Variants in FOXP4 observed in about 807,000 individuals in gnomAD.
The protein encoded by FOXP4 is forkhead box protein P4.
In FOXP4, 25 loss-of-function variants were observed where a neutral mutation model predicts 82.6. That is an observed-to-expected ratio of 0.30 (90% CI 0.22 to 0.42). The LOEUF (loss-of-function observed/expected upper bound fraction) is 0.42. FOXP4 is among the 10% of genes least tolerant of loss of function. The pLI is 1.00. For synonymous variants in FOXP4, 415 were observed against 388.2 expected, an observed-to-expected ratio of 1.07 and a Z score of -0.81; for missense variants, 785 against 900.9, an observed-to-expected ratio of 0.87 and a Z score of 1.65.
At chr6:41,549,719 G>C (rs12206814) in intron 1 of FOXP4, among the ~76,000 whole-genome samples, 53,059 of 143,138 alleles carry the variant, frequency 0.37, 11,669 homozygotes, top group East Asian at 0.6. Flanking sequence ...AGGAGAGACA[G>C]ATATCACATG....
chr6:41,594,747 T>G (rs1581789383), intron 13 of FOXP4, 123 bp from the exon 14 acceptor site: 1 of 1,433,180 alleles, frequency 7.0e-7, no homozygotes, highest in African/African-American at 1.4e-5. Flanking sequence ...CCCCCTCCCC[T>G]GCTCATCCCT....
intron 1 of FOXP4, among the ~76,000 whole-genome samples, chr6:41,554,681 G>A (rs372756161): frequency 3.3e-5 from 5 of 151,976 alleles, no homozygotes; most frequent in East Asian, 1.9e-4. Flanking sequence ...CCAACATGGC[G>A]AAACCCCATC....
intron 1 of FOXP4, among the ~76,000 whole-genome samples, chr6:41,560,359 G>C (rs1040174273): frequency 1.3e-5 from 2 of 152,244 alleles, no homozygotes; most frequent in Non-Finnish European, 2.9e-5. Flanking sequence ...CAGGCTGTCA[G>C]CTGGGCCACG....
intron 1 of FOXP4, among the ~76,000 whole-genome samples, chr6:41,563,366 A>G (rs1171427038): frequency 6.6e-6 from 1 of 152,148 alleles, no homozygotes; most frequent in Admixed American, 6.5e-5. Context: ...GTGGGAGGGA[A>G]ATGCTTTGGG....
chr6:41,561,977 G>C (rs895643561), intron 1 of FOXP4, among the ~76,000 whole-genome samples: 1 of 152,188 alleles, frequency 6.6e-6, no homozygotes, highest in African/African-American at 2.4e-5. Context: ...AGTTACAGGG[G>C]ACTGATAATC....
intron 1 of FOXP4, among the ~76,000 whole-genome samples, chr6:41,552,709 CG>C (rs1409628573): frequency 1.3e-5 from 2 of 152,108 alleles, no homozygotes; most frequent in East Asian, 3.8e-4. Context: ...TGGGCTAGCT[CG>C]GGCCGGCAGC....
intron 16 of FOXP4, 84 bp downstream of exon 16, chr6:41,598,034 T>C (rs1386570959): frequency 2.8e-6 from 3 of 1,058,276 alleles, no homozygotes; most frequent in Non-Finnish European, 3.7e-6. Context: ...CTGGGTGGGG[T>C]TCCCCATCCC....
At chr6:41,585,813 C>T (rs939052877) in intron 5 of FOXP4, among the ~76,000 whole-genome samples, 2 of 152,000 alleles carry the variant, frequency 1.3e-5, no homozygotes, top group Admixed American at 6.6e-5. Context: ...GGGCCACGCT[C>T]ATGTGCCTTG....
At chr6:41,598,652 C>T (rs1047592893) in intron 16 of FOXP4, 137 bp from the exon 17 acceptor site, 187 of 1,287,446 alleles carry the variant, frequency 1.5e-4, no homozygotes, top group Non-Finnish European at 1.9e-4. Context: ...GAGATCAGCC[C>T]TCAGGTCTGA....
chr6:41,566,243 G>C (rs1157872219), intron 2 of FOXP4, among the ~76,000 whole-genome samples: 3 of 152,204 alleles, frequency 2.0e-5, no homozygotes, highest in Admixed American at 6.5e-5. Flanking sequence ...AGAAGAGACA[G>C]ACACACAACT....
rs1766609718 is a variant in FOXP4 at position 41,593,088 on chromosome 6, T to G, written c.1536+1766T>G. Among the ~76,000 whole-genome samples the G allele has an allele frequency of 6.6e-6, 1 of 152,198 alleles. No homozygotes were observed. Among genetic ancestry groups the G allele is most frequent in the Non-Finnish European group, 1.5e-5 (1 of 68,040 alleles). ...AGAATCCATCCAGCTTGAGGTCCAC[T>G]TTGACCTTCTGGTTTTTTTCAGCCA... On this transcript the variant is annotated intron_variant, in intron 13 of 16. Transcript: ENST00000307972. This position sits in a 1 kb window ranked among gnomAD's most constrained non-coding sequence, Gnocchi z 4.1.
chr6:41,566,592 C>CT (rs781564310), intron 2 of FOXP4, among the ~76,000 whole-genome samples: 11 of 152,190 alleles, frequency 7.2e-5, no homozygotes. Flanking sequence ...ACCAACCTCT[C>CT]TGAGGATCTA....
In FOXP4 at chr6:41,597,871, G is replaced by A; in HGVS notation, c.1816G>A (p.Asp606Asn). The A allele has an allele frequency of 3.1e-6, 5 of 1,597,282 alleles. No homozygotes were observed. The highest frequency in any genetic ancestry group is 2.3e-5 in the East Asian group (1 of 44,360). The change falls in exon 16 of 17, where the codon GAT (aspartate) becomes AAT (asparagine). Residue 606 changes from aspartate to asparagine, a missense_variant. Physicochemically the swap from Asp to Asn is conservative, Grantham distance 23. Transcript: ENST00000307972. ...CAGCAGCCTGCTGCCCCTCAGCCAC[G>A]ATGACGTGGGTGCCCCCGTGGAGCC... ...SASSLLPLSH[D>N]DVGAPVEPLP...
chr6:41,572,902 C>T (rs550733558), intron 2 of FOXP4, among the ~76,000 whole-genome samples: 1 of 152,312 alleles, frequency 6.6e-6, no homozygotes, highest in South Asian at 2.1e-4. Flanking sequence ...ATCTCTGGAT[C>T]TCTGTTTCTC....
chr6:41,583,166 T>C lies in FOXP4; in HGVS notation c.301-1603T>C, dbSNP rs570726422. Among the ~76,000 whole-genome samples the C allele has an allele frequency of 2.1e-3, 323 of 152,298 alleles. 1 individual carries two copies. The highest frequency in any genetic ancestry group is 3.4e-3 in the Middle Eastern group (1 of 294). ...CCTCCCAGGCCCATGTGGATAGAGA[T>C]GGGCTGGGATAGGGGAGTAAAGCCC... is the stretch of plus-strand genomic sequence containing the variant. On this transcript the variant is annotated intron_variant, in intron 3 of 16. Transcript: ENST00000307972.
At chr6:41,581,205 A>G (rs1371957851) in intron 3 of FOXP4, among the ~76,000 whole-genome samples, 1 of 152,194 alleles carries the variant, frequency 6.6e-6, no homozygotes, top group Non-Finnish European at 1.5e-5. Context: ...AAGCCAAACC[A>G]AACTCTGGCC....
chr6:41,598,214 C>G (rs1412473927), intron 16 of FOXP4, among the ~76,000 whole-genome samples: 1 of 144,156 alleles, frequency 6.9e-6, no homozygotes, highest in Non-Finnish European at 1.5e-5. Context: ...CTCCTCTCTT[C>G]TCTTTTTTTT....
chr6:41,551,068 C>T (rs967382295), intron 1 of FOXP4, among the ~76,000 whole-genome samples: 4 of 152,302 alleles, frequency 2.6e-5, no homozygotes, highest in Admixed American at 2.6e-4. Context: ...ACCTTCAGTC[C>T]ACTGCCAGTT....
chr6:41,594,749 CTCAT>C, intron 13 of FOXP4, 117 bp from the exon 14 acceptor site: 1 of 1,462,600 alleles, frequency 6.8e-7, no homozygotes, highest in Non-Finnish European at 9.2e-7. Flanking sequence ...CCCTCCCCTG[CTCAT>C]CCCTGAGCTG....
Sources: allele counts gnomAD v4.1 joint callset (sites outside exome capture counted in the v4.1 genomes callset), GRCh38; gene constraint gnomAD v4.1.1; non-coding constraint Gnocchi (gnomAD v3.1); transcripts MANE v1.5; gene names NCBI Gene and HGNC (gene_info 2026-07-23, HGNC 2026-07-21).